Variants in TENM2 observed in about 807,000 individuals in gnomAD.
TENM2 encodes the protein teneurin transmembrane protein 2, also known as teneurin-2.
A neutral mutation model predicts 245.2 loss-of-function variants in TENM2; 52 were observed. The ratio of observed to expected loss-of-function variants is 0.21; its 90% confidence interval spans 0.17 to 0.27. TENM2 has a LOEUF of 0.27. TENM2 is among the 10% of genes least tolerant of loss of function. The pLI is 1.00. For missense variants in TENM2, 3,046 were observed against 3,666.8 expected, an observed-to-expected ratio of 0.83 and a Z score of 4.37; for synonymous variants, 1,363 against 1,438.9, an observed-to-expected ratio of 0.95 and a Z score of 1.19.
the TENM2 span, among the ~76,000 whole-genome samples, chr5:167,006,759 T>A: frequency 6.6e-6 from 1 of 152,092 alleles, no homozygotes; most frequent in Non-Finnish European, 1.5e-5. Flanking sequence ...CTCTGCCTCC[T>A]GGGTTCAAGT....
chr5:168,130,782 G>T (rs1316112149), intron 12 of TENM2, among the ~76,000 whole-genome samples: 1 of 152,100 alleles, frequency 6.6e-6, no homozygotes, highest in Non-Finnish European at 1.5e-5. Flanking sequence ...CCAGCTACTT[G>T]GGAGGCCGAT....
the TENM2 span, among the ~76,000 whole-genome samples, chr5:167,151,906 T>G: frequency 6.6e-6 from 1 of 152,208 alleles, no homozygotes; most frequent in Non-Finnish European, 1.5e-5. Flanking sequence ...GTTGACTCTC[T>G]TCACATTCAG....
intron 3 of TENM2, among the ~76,000 whole-genome samples, chr5:167,911,431 G>T (rs1371621637): frequency 6.6e-6 from 1 of 152,240 alleles, no homozygotes; most frequent in Non-Finnish European, 1.5e-5. Context: ...GGAGGCTGAG[G>T]CAGGAGAATG....
At chr5:168,033,999 C>T (rs534207752) in intron 5 of TENM2, among the ~76,000 whole-genome samples, 1 of 148,302 alleles carries the variant, frequency 6.7e-6, no homozygotes, top group South Asian at 2.1e-4. Context: ...TGCACTCCAG[C>T]CTGAGCAACA....
chr5:167,896,776 G>A (rs1775258951), intron 3 of TENM2, among the ~76,000 whole-genome samples: 1 of 152,150 alleles, frequency 6.6e-6, no homozygotes, highest in African/African-American at 2.4e-5. Context: ...TACCTTTATG[G>A]ATATTTTTAC....
chr5:167,912,117 A>G (rs1339566461), intron 3 of TENM2, among the ~76,000 whole-genome samples: 5 of 152,140 alleles, frequency 3.3e-5, no homozygotes, highest in Non-Finnish European at 5.9e-5. Context: ...CCTCATTCCA[A>G]TTGAAATTTT....
chr5:167,199,413 G>A, the TENM2 span, among the ~76,000 whole-genome samples: 152 of 151,994 alleles, frequency 1.0e-3, no homozygotes, highest in Non-Finnish European at 1.7e-3. Context: ...CAACTTCTTG[G>A]CCATCGTTTG....
At chr5:167,898,992 G>A (rs1056134599) in intron 3 of TENM2, among the ~76,000 whole-genome samples, 1 of 152,094 alleles carries the variant, frequency 6.6e-6, no homozygotes, top group African/African-American at 2.4e-5. Context: ...TTTCAGGGAA[G>A]AGAGGCAAGA....
chr5:167,676,884 GT>G (rs1434670586), intron 2 of TENM2, among the ~76,000 whole-genome samples: 1 of 151,992 alleles, frequency 6.6e-6, no homozygotes, highest in Non-Finnish European at 1.5e-5. Flanking sequence ...TATGTGTTTT[GT>G]CATCAAGAAA....
chr5:167,657,901 A>G (rs1015416042), intron 2 of TENM2, among the ~76,000 whole-genome samples: 2 of 152,218 alleles, frequency 1.3e-5, no homozygotes, highest in African/African-American at 4.8e-5. Context: ...ATTAGCTGCA[A>G]TGCACATTAA....
intron 2 of TENM2, among the ~76,000 whole-genome samples, chr5:167,544,165 C>T (rs997990125): frequency 2.2e-4 from 33 of 152,102 alleles, no homozygotes; most frequent in Admixed American, 2.6e-4. Context: ...CCTCTACTCA[C>T]CTCTGAAGTC....
At chr5:168,204,172 C>G (rs1762165881) in intron 18 of TENM2, among the ~76,000 whole-genome samples, 200 bp from the exon 21 acceptor site, 1 of 151,594 alleles carries the variant, frequency 6.6e-6, no homozygotes, top group Non-Finnish European at 1.5e-5. Flanking sequence ...GGTTATCCTC[C>G]CAAGTGTCAT....
At chr5:167,533,975 C>T (rs921786667) in intron 2 of TENM2, among the ~76,000 whole-genome samples, 2 of 152,126 alleles carry the variant, frequency 1.3e-5, no homozygotes, top group Admixed American at 6.5e-5. Flanking sequence ...CTCTCAGAGG[C>T]TTGAAGAAGC....
chr5:167,493,522 CAT>C (rs1768582734), intron 2 of TENM2, among the ~76,000 whole-genome samples: 2 of 152,060 alleles, frequency 1.3e-5, no homozygotes, highest in African/African-American at 4.8e-5. Flanking sequence ...TCAAATAAAA[CAT>C]AGAATTGAAT....
At chr5:167,518,160 C>CA (rs201319534) in intron 2 of TENM2, among the ~76,000 whole-genome samples, 9,004 of 141,210 alleles carry the variant, frequency 0.064, 843 homozygotes, top group African/African-American at 0.21. Flanking sequence ...GACCCTGTCT[C>CA]AAAAAAAAAA....
intron 12 of TENM2, among the ~76,000 whole-genome samples, chr5:168,136,347 G>A (rs1039123764): frequency 6.6e-6 from 1 of 152,148 alleles, no homozygotes; most frequent in Non-Finnish European, 1.5e-5. Flanking sequence ...TTCCAAGAGT[G>A]TCTTGCATGC....
At chr5:167,926,661 C>A (rs1469025024) in intron 3 of TENM2, among the ~76,000 whole-genome samples, 2 of 151,272 alleles carry the variant, frequency 1.3e-5, no homozygotes, top group Admixed American at 1.3e-4. Flanking sequence ...GCAGAGGTTG[C>A]AGTGAGCTGA....
At chr5:167,155,129 C>T in the TENM2 span, among the ~76,000 whole-genome samples, 5 of 152,188 alleles carry the variant, frequency 3.3e-5, no homozygotes, top group African/African-American at 1.2e-4. Context: ...ATTAAGGATT[C>T]ACCAACATGT....
chr5:167,529,367 C>T (rs531025860), intron 2 of TENM2, among the ~76,000 whole-genome samples: 1 of 152,120 alleles, frequency 6.6e-6, no homozygotes, highest in African/African-American at 2.4e-5. Flanking sequence ...GAGGTGTGAT[C>T]TCCTGGAGTT....
Sources: allele counts gnomAD v4.1 joint callset (sites outside exome capture counted in the v4.1 genomes callset), GRCh38; gene constraint gnomAD v4.1.1; transcripts MANE v1.5; gene names NCBI Gene and HGNC (gene_info 2026-07-23, HGNC 2026-07-21).